RAD51B: variants seen among roughly 807,000 people sequenced by gnomAD.
RAD51B encodes DNA repair protein RAD51 homolog 2.
Under a neutral mutation model 42.2 loss-of-function variants are expected in RAD51B, and 38 were observed. The observed-to-expected ratio is 0.90, with a 90% CI of 0.70 to 1.18. The LOEUF is 1.18. RAD51B is among the 50% of genes most tolerant of loss of function. The pLI, the probability that RAD51B is intolerant of heterozygous loss-of-function variation, is 0.00. For missense variants in RAD51B, 373 were observed against 400.7 expected, an observed-to-expected ratio of 0.93 and a Z score of 0.59; for synonymous variants, 154 against 145.2, an observed-to-expected ratio of 1.06 and a Z score of -0.43.
intron 7 of RAD51B, among the ~76,000 whole-genome samples, chr14:68,046,070 A>G (rs2076294783): frequency 1.3e-5 from 2 of 152,142 alleles, no homozygotes; most frequent in African/African-American, 2.4e-5. Context: ...GGAAGGTTCT[A>G]TGAAGTAGAT....
chr14:68,669,305 A>C (rs138035994), intron 11 of RAD51B, among the ~76,000 whole-genome samples: 51 of 152,338 alleles, frequency 3.3e-4, no homozygotes, highest in African/African-American at 1.2e-3. Context: ...AGGCCCCCTG[A>C]GGCACCTAGA....
intron 11 of RAD51B, among the ~76,000 whole-genome samples, chr14:68,674,136 C>A (rs1228700756): frequency 6.6e-6 from 1 of 152,024 alleles, no homozygotes; most frequent in Admixed American, 6.6e-5. Context: ...CATACACACA[C>A]ATATACAATA....
At position 68,623,023 on chromosome 14, in the gene RAD51B, T is replaced by A. The variant is rs570028066; in HGVS notation, c.1037-27758T>A. Among the ~76,000 whole-genome samples the A allele has an allele frequency of 2.0e-5, 3 of 152,282 alleles. No individual in the cohort carries two copies. In the South Asian group the frequency reaches 6.2e-4, roughly 32 times the overall value. ...CAGGTTAATACTTCCTGTGCCCAGA[T>A]GTCCTAACCACAGACCCAAGCTCAC... On this transcript the variant is annotated intron_variant, in intron 10 of 11. Transcript: ENST00000488612.
chr14:68,676,340 G>A (rs1893302207), intron 11 of RAD51B, among the ~76,000 whole-genome samples: 1 of 152,172 alleles, frequency 6.6e-6, no homozygotes, highest in Non-Finnish European at 1.5e-5. Context: ...CTCATAGTAA[G>A]CCACATTTGG....
chr14:68,287,604 G>T (rs957431488), intron 7 of RAD51B, among the ~76,000 whole-genome samples: 1 of 152,100 alleles, frequency 6.6e-6, no homozygotes, highest in Non-Finnish European at 1.5e-5. Flanking sequence ...GGTGTGTTGC[G>T]TGTTTTCAAT....
At chr14:67,880,837 A>G (rs1428765692) in intron 5 of RAD51B, among the ~76,000 whole-genome samples, 1 of 152,154 alleles carries the variant, frequency 6.6e-6, no homozygotes, top group East Asian at 1.9e-4. Context: ...ACATTTTAGT[A>G]TTAGTTTGAT....
chr14:68,304,260 G>A (rs760944759), intron 8 of RAD51B, among the ~76,000 whole-genome samples: 5 of 151,854 alleles, frequency 3.3e-5, no homozygotes, highest in South Asian at 2.1e-4. Flanking sequence ...CCTATTATGC[G>A]TCAGGCACTA....
At chr14:68,046,232 T>C (rs1356501770) in intron 7 of RAD51B, among the ~76,000 whole-genome samples, 1 of 152,176 alleles carries the variant, frequency 6.6e-6, no homozygotes, top group East Asian at 1.9e-4. Flanking sequence ...CAAGCAATCC[T>C]CTCACTTCAG....
chr14:68,243,462 G>A (rs2080433734), intron 7 of RAD51B, among the ~76,000 whole-genome samples: 1 of 152,072 alleles, frequency 6.6e-6, no homozygotes, highest in Non-Finnish European at 1.5e-5. Flanking sequence ...AATTGTCATG[G>A]TTGATGTTAT....
chr14:68,594,508 C>T lies in RAD51B; in HGVS notation c.1060C>T (p.Gln354Ter). The change falls in exon 11 of 11, where the codon CAA becomes TAA. Residue 354 changes from glutamine (Q) to a stop codon, truncating the protein, a stop_gained. Transcript: ENST00000487270. LOFTEE classifies it high-confidence loss of function. ...AGAGACAACATTTTGCTCTGTCACC[C>T]AAGCTGAACTGAACTGGGCTCCAGA... 7.3e-7 allele frequency: 1 copy of T among 1,365,504 alleles called. No individual in the cohort carries two copies. Among genetic ancestry groups the T allele is most frequent in the East Asian group, 3.8e-5 (1 of 26,556 alleles). 84.6% of individuals were successfully genotyped at this position (1,365,504 alleles called of 1,614,324 possible).
chr14:68,016,885 TAAC>T (rs1461171903), intron 7 of RAD51B, among the ~76,000 whole-genome samples: 1 of 151,606 alleles, frequency 6.6e-6, no homozygotes, highest in Admixed American at 6.6e-5. Flanking sequence ...GAAGACTTTA[TAAC>T]AACAAGGGAA....
chr14:68,482,041 C>A (rs1401810670), downstream of RAD51B, among the ~76,000 whole-genome samples: 1 of 152,046 alleles, frequency 6.6e-6, no homozygotes. Context: ...GCATTCTTCC[C>A]CGTGAGCTGA....
At chr14:67,902,071 A>G (rs2043632235) in intron 7 of RAD51B, among the ~76,000 whole-genome samples, 1 of 152,128 alleles carries the variant, frequency 6.6e-6, no homozygotes, top group African/African-American at 2.4e-5. Context: ...AATGAAAGAA[A>G]ATAGGAGTTT....
chr14:68,361,661 C>G (rs1233763144), intron 8 of RAD51B, among the ~76,000 whole-genome samples: 2 of 151,930 alleles, frequency 1.3e-5, no homozygotes, highest in African/African-American at 4.8e-5. Context: ...GGTCCTTGTT[C>G]CCTTGAAGTC....
At chr14:67,864,718 TAG>T (rs1353084304) in intron 4 of RAD51B, 2 of 521,190 alleles carry the variant, frequency 3.8e-6, no homozygotes, top group Non-Finnish European at 3.6e-6. Flanking sequence ...CTTTCTCAAC[TAG>T]AAGTTTCTCA....
chr14:68,284,972 A>G (rs1457253806), intron 7 of RAD51B, among the ~76,000 whole-genome samples: 1 of 151,736 alleles, frequency 6.6e-6, no homozygotes, highest in Non-Finnish European at 1.5e-5. Context: ...CCCTGTTCTC[A>G]CTCTCTTCCT....
chr14:68,085,849 G>A (rs906204233), intron 7 of RAD51B, among the ~76,000 whole-genome samples: 1 of 152,212 alleles, frequency 6.6e-6, no homozygotes, highest in Non-Finnish European at 1.5e-5. Flanking sequence ...CGCTTCTTCA[G>A]TGTCCTGCTG....
chr14:68,615,829 T>C (rs112857989), downstream of RAD51B, among the ~76,000 whole-genome samples: 67 of 152,318 alleles, frequency 4.4e-4, no homozygotes, highest in African/African-American at 1.6e-3. Context: ...TTAAAATGAA[T>C]TTCTTGCTTT....
chr14:67,977,467 C>T (rs1339656109), intron 7 of RAD51B, among the ~76,000 whole-genome samples: 1 of 152,216 alleles, frequency 6.6e-6, no homozygotes, highest in East Asian at 1.9e-4. Flanking sequence ...CTTGAACTAT[C>T]AAAGCAAAAC....
Sources: allele counts gnomAD v4.1 joint callset (sites outside exome capture counted in the v4.1 genomes callset), GRCh38; gene constraint gnomAD v4.1.1; transcripts MANE v1.5; gene names NCBI Gene and HGNC (gene_info 2026-07-23, HGNC 2026-07-21).